The following MTERF1 variants were observed in gnomAD, a reference collection of about 807,000 sequenced individuals.
The protein encoded by MTERF1 is mitochondrial transcription termination factor 1, also known as transcription termination factor 1, mitochondrial.
Under a neutral mutation model 31.6 loss-of-function variants are expected in MTERF1, and 29 were observed. The ratio of observed to expected loss-of-function variants is 0.92; its 90% CI spans 0.68 to 1.25. MTERF1 has a LOEUF of 1.25. MTERF1 is among the 50% of genes most tolerant of loss of function. The probability of loss-of-function intolerance (pLI) is 0.00; values close to 1 mark genes in which losing one functional copy is unlikely to be tolerated. For synonymous variants in MTERF1, 152 were observed against 164.1 expected, an observed-to-expected ratio of 0.93 and a Z score of 0.57; for missense variants, 500 against 469.1, an observed-to-expected ratio of 1.07 and a Z score of -0.61.
Position 91,873,037 on chromosome 7 carries a change from T to C in MTERF1, c.*557A>G, listed in dbSNP as rs1244007496. The C allele has an allele frequency of 2.0e-5, 3 of 152,180 alleles. No homozygotes were observed. Among genetic ancestry groups the C allele is most frequent in the Non-Finnish European group, 4.4e-5 (3 of 68,046 alleles). 9.4% of individuals were successfully genotyped at this position (152,180 alleles called of 1,614,324 possible). ...TAATTACTCTTATAAAAGGAAGAAA[T>C]AGAGACTTTACTAAAGGACTGTATT... is the stretch of plus-strand genomic sequence containing the variant. On this transcript the variant is annotated 3_prime_UTR_variant, in exon 3 of 3. Coordinates refer to ENST00000351870, the MANE Select transcript of MTERF1 (RefSeq NM_006980.5).
chr7:91,874,067 A>G lies in MTERF1; in HGVS notation c.727T>C (p.Phe243Leu). 1 of 1,614,094 alleles carries G rather than the reference A, an allele frequency of 6.2e-7. No homozygotes were observed. The highest frequency in any genetic ancestry group is 2.2e-5 in the East Asian group (1 of 44,870). The change falls in exon 3 of 3, where the codon TTT (phenylalanine) becomes CTT (leucine). Residue 243 changes from phenylalanine (F) to leucine (L), a missense_variant. Coordinates refer to ENST00000351870, the MANE Select transcript of MTERF1 (RefSeq NM_006980.5). ...CGCTTGGTGCTCTGAATTAAGATAA[A>G]AGGGTTTTTAAAAATTATCTTTCTG... ...FVRKIIFKNPFILIQSTKRVK... is the reference protein window; with the variant it reads ...FVRKIIFKNPLILIQSTKRVK...
intron 2 of MTERF1, 23 bp downstream of exon 2, chr7:91,880,032 A>G (rs1789463685): frequency 6.2e-7 from 1 of 1,613,574 alleles, no homozygotes; most frequent in Non-Finnish European, 8.5e-7. Context: ...CTAAGTTTGG[A>G]GATCTTTACA....
chr7:91,880,047 T>C lies in MTERF1; in HGVS notation c.29+8A>G. On this transcript the variant is annotated splice_region_variant and intron_variant, in intron 2 of 2. Coordinates refer to ENST00000351870, the MANE Select transcript of MTERF1 (RefSeq NM_006980.5). ...CTAAGTTTGGAGATCTTTACATGCA[T>C]TTCTCACCTTGTTTGTCCTAAGGAA... 5 of 1,614,078 alleles carry C rather than the reference T, an allele frequency of 3.1e-6. No homozygotes were observed. Among genetic ancestry groups the C allele is most frequent in the Non-Finnish European group, 4.2e-6 (5 of 1,179,996 alleles).
rs780961331 is a variant in MTERF1 at position 91,874,619 on chromosome 7, C to CA, written c.174dup (p.Gly59TrpfsTer6). On this transcript the variant is annotated frameshift_variant, in exon 3 of 3. Transcript: ENST00000351870. LOFTEE classifies it high-confidence loss of function. ...CTGTCTGTATTATGACACTTCACAC[C>CA]AAAAAGCCTAAATGAAACTGATTTG... 1 of 1,613,934 alleles carries CA rather than the reference C, an allele frequency of 6.2e-7. No homozygotes were observed. Among genetic ancestry groups the CA allele is most frequent in the Non-Finnish European group, 8.5e-7 (1 of 1,180,020 alleles).
chr7:91,880,308 A>AG, intron 1 of MTERF1, 195 bp from the exon 2 acceptor site: 1 of 544,532 alleles, frequency 1.8e-6, no homozygotes, highest in East Asian at 3.0e-5. Flanking sequence ...GGGAAAAGGT[A>AG]GCGGAATCAC....
chr7:91,874,288 C>T lies in MTERF1; in HGVS notation c.506G>A (p.Arg169Gln), dbSNP rs373715978. ...CTCTAAGTTTAGGTTGTTATTGGAC[C>T]GAAAAAAGGATTCAGGAGAACGTTC... ...ILERSPESFF[R>Q]SNNNLNLENN... The change falls in exon 3 of 3, where the codon CGG (arginine) becomes CAG (glutamine). Residue 169 changes from arginine to glutamine, a missense_variant. Coordinates refer to ENST00000351870, the MANE Select transcript of MTERF1 (RefSeq NM_006980.5). 2.0e-5 allele frequency: 32 copies of T among 1,612,832 alleles called. No individual in the cohort carries two copies. Among genetic ancestry groups the T allele is most frequent in the African/African-American group, 9.4e-5 (7 of 74,668 alleles).
At chr7:91,879,266 C>T (rs1369291984) in intron 2 of MTERF1, among the ~76,000 whole-genome samples, 4 of 152,138 alleles carry the variant, frequency 2.6e-5, no homozygotes, top group African/African-American at 9.7e-5. Flanking sequence ...AATTGTGGTA[C>T]ATCTATGCAA....
chr7:91,873,900 CTCTTTGATGTTTGCGTAGCT>C lies in MTERF1; in HGVS notation c.874_893del (p.Ser292GlufsTer9). ...CAGTACATCCAAGAGAAAACAGCTT[CTCTTTGATGTTTGCGTAGCT>C]TCTTCTGGCATAGTCATTGGAAAGG... is the stretch of plus-strand genomic sequence containing the variant. On this transcript the variant is annotated frameshift_variant, in exon 3 of 3. Coordinates refer to ENST00000351870, the MANE Select transcript of MTERF1 (RefSeq NM_006980.5). LOFTEE classifies it high-confidence loss of function. 3 of 1,614,070 alleles carry C rather than the reference CTCTTTGATGTTTGCGTAGCT, an allele frequency of 1.9e-6. No homozygotes were observed. Among genetic ancestry groups the C allele is most frequent in the Non-Finnish European group, 2.5e-6 (3 of 1,180,024 alleles).
Position 91,874,671 on chromosome 7 carries a change from C to A in MTERF1, c.123G>T (p.Met41Ile). The A allele has an allele frequency of 6.2e-7, 1 of 1,614,086 alleles. No homozygotes were observed. Among genetic ancestry groups the A allele is most frequent in the Non-Finnish European group, 8.5e-7 (1 of 1,180,014 alleles). ...AGATGTTTTCTGCTGAAAATCGAGTCATCCAACATCTTGAACCAAAGAGAA... is the reference window on the plus strand; with the variant it reads ...AGATGTTTTCTGCTGAAAATCGAGTAATCCAACATCTTGAACCAAAGAGAA... Reference protein sequence around the residue: ...NNFLFGSRCWMTRFSAENIFK... With the variant: ...NNFLFGSRCWITRFSAENIFK... The change falls in exon 3 of 3, where the codon ATG becomes ATT. Residue 41 changes from methionine to isoleucine, a missense_variant. Coordinates refer to ENST00000351870, the MANE Select transcript of MTERF1 (RefSeq NM_006980.5).
At chr7:91,877,936 C>A (rs1461864278) in intron 2 of MTERF1, among the ~76,000 whole-genome samples, 3 of 152,176 alleles carry the variant, frequency 2.0e-5, no homozygotes, top group Non-Finnish European at 4.4e-5. Context: ...CTAGCACTAT[C>A]GCCTCTCAAA....
chr7:91,874,398 T>C lies in MTERF1; in HGVS notation c.396A>G (p.Ile132Met). 1 of 1,614,184 alleles carries C rather than the reference T, an allele frequency of 6.2e-7. No homozygotes were observed. The highest frequency in any genetic ancestry group is 8.5e-7 in the Non-Finnish European group (1 of 1,180,034). The change falls in exon 3 of 3, where the codon ATA (isoleucine) becomes ATG (methionine). Residue 132 changes from isoleucine (I) to methionine (M), a missense_variant. Coordinates refer to ENST00000351870, the MANE Select transcript of MTERF1 (RefSeq NM_006980.5). The part of the protein sequence containing the change: ...ASIISRYPRA[I>M]TRTPENLSKR... ...TTGAAAGATTCTCGGGAGTACGTGT[T>C]ATTGCTCGTGGATATCTTGATATGA...
In MTERF1 at chr7:91,874,426, C is replaced by T. The variant is rs764574779; in HGVS notation, c.368G>A (p.Ser123Asn). 14 of 1,613,906 alleles carry T rather than the reference C, an allele frequency of 8.7e-6. No homozygotes were observed. The East Asian group carries it at 2.5e-4, about 28-fold the overall frequency. Reference sequence around the variant, plus strand: ...TGCTCGTGGATATCTTGATATGATGCTAGCGATCACTTCTTTGCTAGCTCC... The same window carrying T: ...TGCTCGTGGATATCTTGATATGATGTTAGCGATCACTTCTTTGCTAGCTCC... ...SKGASKEVIA[S>N]IISRYPRAIT... is the part of the protein sequence containing the mutation. Residue 123 changes from serine to asparagine, a missense_variant, in exon 3 of 3, where the codon AGC becomes AAC. Transcript: ENST00000351870.
At chr7:91,879,534 A>C (rs1030359641) in intron 2 of MTERF1, among the ~76,000 whole-genome samples, 2 of 152,228 alleles carry the variant, frequency 1.3e-5, no homozygotes, top group Admixed American at 6.5e-5. Flanking sequence ...GAAAAAATTT[A>C]AACAAGTAAA....
rs7786754 is a variant in MTERF1 at position 91,872,161 on chromosome 7, T to G, written c.*1433A>C. ...TATAAATTTTCCAATAAATTATAAA[T>G]GTATTATAAGCAATGGAAGATAAAG... is the stretch of plus-strand genomic sequence containing the variant. On this transcript the variant is annotated 3_prime_UTR_variant, in exon 3 of 3. Transcript: ENST00000351870. 5.3e-5 allele frequency: 8 copies of G among 152,354 alleles called. No individual in the cohort carries two copies. The highest frequency in any genetic ancestry group is 1.9e-4 in the African/African-American group (8 of 41,574). The allele number at this position is 152,354 out of a possible 1,614,324, so 9.4% of individuals were successfully genotyped here. A position where few individuals can be genotyped will look rare whatever the true frequency, so the allele number is the denominator to read the frequency against.
At chr7:91,878,643 T>A (rs529280925) in intron 2 of MTERF1, among the ~76,000 whole-genome samples, 1 of 152,280 alleles carries the variant, frequency 6.6e-6, no homozygotes, top group East Asian at 1.9e-4. Flanking sequence ...GAGACCAGCC[T>A]GGACAACAAA....
chr7:91,873,606 G>C lies in MTERF1; in HGVS notation c.1188C>G (p.Ser396Arg). 6.2e-7 allele frequency: 1 copy of C among 1,604,514 alleles called. No homozygotes were observed. Among genetic ancestry groups the C allele is most frequent in the Non-Finnish European group, 8.5e-7 (1 of 1,176,218 alleles). The part of the protein sequence containing the change: ...KRYEAKLKKL[S>R]RFA ...AACATTGGCATCCTTAGGCAAATCT[G>C]CTTAACTTTTTCAATTTAGCTTCAT... Residue 396 changes from serine to arginine, a missense_variant, in exon 3 of 3, where the codon AGC becomes AGG. Coordinates refer to ENST00000351870, the MANE Select transcript of MTERF1 (RefSeq NM_006980.5).
At chr7:91,875,423 A>AT (rs1256105609) in intron 2 of MTERF1, among the ~76,000 whole-genome samples, 1 of 151,528 alleles carries the variant, frequency 6.6e-6, no homozygotes, top group Non-Finnish European at 1.5e-5. Flanking sequence ...CTGATTTTTT[A>AT]TTTTTATTTT....
rs760617203 is a variant in MTERF1 at position 91,874,132 on chromosome 7, G to A, written c.662C>T (p.Ala221Val). ...ATCATTGTGACCCAATGACAAACCG[G>A]CTGCCTGCAAAAATTCAACCATCTG... ...NKQMVEFLQA[A>V]GLSLGHNDPA... Residue 221 changes from alanine (A) to valine (V), a missense_variant, in exon 3 of 3, where the codon GCC (alanine) becomes GTC (valine). Physicochemically the swap from Ala to Val is moderately conservative, Grantham distance 64. Coordinates refer to ENST00000351870, the MANE Select transcript of MTERF1 (RefSeq NM_006980.5). 4 of 1,614,074 alleles carry A rather than the reference G, an allele frequency of 2.5e-6. No individual in the cohort carries two copies. In the South Asian group the frequency reaches 4.4e-5, roughly 18 times the overall value.
intron 2 of MTERF1, among the ~76,000 whole-genome samples, chr7:91,875,761 T>C (rs145069250): frequency 8.5e-5 from 13 of 152,364 alleles, no homozygotes; most frequent in Non-Finnish European, 1.8e-4. Context: ...TTTATATCCA[T>C]GCTACCATTA....
Sources: allele counts gnomAD v4.1 joint callset (sites outside exome capture counted in the v4.1 genomes callset), GRCh38; gene constraint gnomAD v4.1.1; transcripts MANE v1.5; gene names NCBI Gene and HGNC (gene_info 2026-07-23, HGNC 2026-07-21).